The following SPAG16 variants were observed in gnomAD, a reference collection of about 807,000 sequenced individuals.
SPAG16 encodes sperm-associated antigen 16 protein.
Under a neutral mutation model 80.4 loss-of-function variants are expected in SPAG16, and 86 were observed. That is an observed-to-expected ratio of 1.07 (90% CI 0.90 to 1.28). SPAG16 has a LOEUF of 1.28. Among genes scored for constraint, SPAG16 ranks in the 50% most tolerant of loss-of-function variants. SPAG16 has a pLI of 0.00. For missense variants in SPAG16, 870 were observed against 765.3 expected, an observed-to-expected ratio of 1.14 and a Z score of -1.61; for synonymous variants, 294 against 265.9, an observed-to-expected ratio of 1.11 and a Z score of -1.03.
At chr2:213,311,816 A>C (rs914731758) in intron 4 of SPAG16, among the ~76,000 whole-genome samples, 8 of 151,564 alleles carry the variant, frequency 5.3e-5, no homozygotes, top group African/African-American at 1.9e-4. Context: ...TTACCACAGG[A>C]AAAAACACTT....
chr2:213,404,847 T>G (rs928202347), intron 9 of SPAG16, among the ~76,000 whole-genome samples: 6 of 152,208 alleles, frequency 3.9e-5, no homozygotes, highest in Non-Finnish European at 8.8e-5. Context: ...TTTAAAATTT[T>G]TTTTTAATTA....
intron 15 of SPAG16, among the ~76,000 whole-genome samples, chr2:214,250,727 C>G (rs988276142): frequency 1.3e-4 from 13 of 100,626 alleles, no homozygotes; most frequent in African/African-American, 4.1e-4. Flanking sequence ...TCTAAAGGAG[C>G]TTTGAGATAT....
At chr2:214,366,671 C>G (rs1267579060) in intron 15 of SPAG16, among the ~76,000 whole-genome samples, 2 of 151,888 alleles carry the variant, frequency 1.3e-5, no homozygotes, top group South Asian at 2.1e-4. Flanking sequence ...TAAAATCAAC[C>G]AAACATGGTT....
chr2:213,287,452 C>G (rs1205231658), intron 1 of SPAG16, among the ~76,000 whole-genome samples: 1 of 152,162 alleles, frequency 6.6e-6, no homozygotes, highest in Non-Finnish European at 1.5e-5. Flanking sequence ...CTTTGTTGTT[C>G]CTTGTCTAAA....
At chr2:213,312,207 A>G (rs1258400799) in intron 4 of SPAG16, among the ~76,000 whole-genome samples, 1 of 151,668 alleles carries the variant, frequency 6.6e-6, no homozygotes, top group Non-Finnish European at 1.5e-5. Flanking sequence ...CTGACCCTTT[A>G]CAGAAAAGAG....
intron 13 of SPAG16, among the ~76,000 whole-genome samples, chr2:214,062,978 A>G (rs2050351429): frequency 6.6e-6 from 1 of 152,170 alleles, no homozygotes; most frequent in Non-Finnish European, 1.5e-5. Flanking sequence ...AAAATAAGTG[A>G]AATTAATTTA....
At chr2:213,944,003 A>G (rs1262013901) in intron 12 of SPAG16, among the ~76,000 whole-genome samples, 2 of 152,208 alleles carry the variant, frequency 1.3e-5, no homozygotes, top group African/African-American at 2.4e-5. Context: ...GTTATTCTTC[A>G]AGACAAGAGA....
chr2:213,762,060 C>A (rs2068694372), intron 10 of SPAG16, among the ~76,000 whole-genome samples: 1 of 152,018 alleles, frequency 6.6e-6, no homozygotes, highest in Admixed American at 6.6e-5. Flanking sequence ...CAAAGTCGAT[C>A]AATGAAATAC....
intron 10 of SPAG16, among the ~76,000 whole-genome samples, chr2:213,774,198 C>T (rs933283228): frequency 2.0e-5 from 3 of 152,130 alleles, no homozygotes; most frequent in African/African-American, 7.2e-5. Flanking sequence ...TTTCTTAGGG[C>T]TGCTGTAACA....
intron 12 of SPAG16, among the ~76,000 whole-genome samples, chr2:213,973,915 A>G (rs1358385286): frequency 6.6e-6 from 1 of 152,104 alleles, no homozygotes; most frequent in Non-Finnish European, 1.5e-5. Context: ...TGGAAGACGG[A>G]CCCTCAAGAA....
chr2:213,639,367 A>G (rs1021352903), intron 10 of SPAG16, among the ~76,000 whole-genome samples: 1 of 152,102 alleles, frequency 6.6e-6, no homozygotes, highest in African/African-American at 2.4e-5. Flanking sequence ...AAGAGATTCT[A>G]TTTTGGTATA....
At chr2:214,051,256 T>C (rs1282687322) in intron 13 of SPAG16, among the ~76,000 whole-genome samples, 1 of 152,182 alleles carries the variant, frequency 6.6e-6, no homozygotes, top group East Asian at 1.9e-4. Flanking sequence ...TTTTCTTTTC[T>C]CCTAAAAATA....
chr2:213,832,744 TC>T (rs2073743455), intron 10 of SPAG16, among the ~76,000 whole-genome samples: 2 of 152,178 alleles, frequency 1.3e-5, no homozygotes, highest in African/African-American at 4.8e-5. Flanking sequence ...TGTCCATTCT[TC>T]ATCAACCTAA....
At chr2:213,531,651 A>G (rs2125885828) in intron 10 of SPAG16, among the ~76,000 whole-genome samples, 1 of 152,250 alleles carries the variant, frequency 6.6e-6, no homozygotes, top group South Asian at 2.1e-4. Context: ...TTTCTTATGC[A>G]GATCATTTCC....
chr2:214,129,927 C>T (rs528782159), intron 14 of SPAG16, among the ~76,000 whole-genome samples: 3 of 151,948 alleles, frequency 2.0e-5, no homozygotes, highest in South Asian at 2.1e-4. Context: ...CAATACTTAC[C>T]GGTATTAACA....
At position 214,137,731 on chromosome 2, in the gene SPAG16, A is replaced by T. The variant is rs564815777; in HGVS notation, c.1594-11409A>T. Among the ~76,000 whole-genome samples, 10 of 152,236 alleles carry T rather than the reference A, an allele frequency of 6.6e-5. No individual in the cohort carries two copies. The South Asian group carries it at 2.1e-3, about 32-fold the overall frequency. On this transcript the variant is annotated intron_variant, in intron 14 of 15. Coordinates refer to ENST00000331683, the MANE Select transcript of SPAG16 (RefSeq NM_024532.5). ...TTTAGGGAAGTGACTTTATCTCTTT[A>T]AGCATTATTTTCCTCATTTGTAAAA...
chr2:214,089,814 T>A (rs1314155840), intron 13 of SPAG16, among the ~76,000 whole-genome samples: 1 of 152,100 alleles, frequency 6.6e-6, no homozygotes, highest in Non-Finnish European at 1.5e-5. Flanking sequence ...TTTCAATCCA[T>A]GACCCTCCCT....
At chr2:213,867,952 A>AAAAAAAAAAAAAAC (rs2075768956) in intron 11 of SPAG16, among the ~76,000 whole-genome samples, 1 of 144,044 alleles carries the variant, frequency 6.9e-6, no homozygotes, top group Non-Finnish European at 1.5e-5. Context: ...AAAAAAAAAG[A>AAAAAAAAAAAAAAC]TAGCTCAAAC....
intron 10 of SPAG16, among the ~76,000 whole-genome samples, chr2:213,607,135 G>C (rs1193576643): frequency 6.6e-6 from 1 of 152,066 alleles, no homozygotes; most frequent in Non-Finnish European, 1.5e-5. Flanking sequence ...ATAGCAAATA[G>C]TAATCAGCCA....
Sources: gnomAD v4.1 joint callset for allele counts (sites outside exome capture counted in the v4.1 genomes callset) on GRCh38, gnomAD v4.1.1 for gene constraint, MANE v1.5 for transcripts, NCBI Gene and HGNC (gene_info 2026-07-23, HGNC 2026-07-21) for gene names.